Variants in BAZ2B observed in about 807,000 individuals in gnomAD.
The protein encoded by BAZ2B is bromodomain adjacent to zinc finger domain protein 2B.
A neutral mutation model predicts 246.0 loss-of-function variants in BAZ2B; 91 were observed. That is an observed-to-expected ratio of 0.37 (90% CI 0.31 to 0.44). The LOEUF is 0.44. Ranked by LOEUF, BAZ2B falls within the 20% of genes least tolerant of loss-of-function variation. The probability of loss-of-function intolerance (pLI) is 1.00; values close to 1 mark genes in which losing one functional copy is unlikely to be tolerated. For synonymous variants in BAZ2B, 855 were observed against 860.0 expected (o/e 0.99, Z 0.10); for missense variants, 2,332 against 2,533.7 (o/e 0.92, Z 1.71).
At chr2:159,408,122 A>G (rs1486029479) in intron 14 of BAZ2B, among the ~76,000 whole-genome samples, 3 of 152,184 alleles carry the variant, frequency 2.0e-5, no homozygotes, top group African/African-American at 7.2e-5. Context: ...TATATATAGA[A>G]CCATGTTTGT....
At chr2:159,397,063 C>T (rs761826657) in intron 19 of BAZ2B, 2 of 1,392,424 alleles carry the variant, frequency 1.4e-6, no homozygotes, top group South Asian at 1.2e-5. Flanking sequence ...CAAAAATAAA[C>T]ATACCCATAC....
the BAZ2B span, among the ~76,000 whole-genome samples, chr2:159,627,415 C>T: frequency 6.6e-6 from 1 of 151,664 alleles, no homozygotes; most frequent in Non-Finnish European, 1.5e-5. Flanking sequence ...TGTGAAAATT[C>T]TCAATAAAAA....
the BAZ2B span, among the ~76,000 whole-genome samples, chr2:159,632,102 A>G: frequency 1.3e-5 from 2 of 152,230 alleles, no homozygotes; most frequent in African/African-American, 4.8e-5. Flanking sequence ...ATTAAGACAA[A>G]ATTAACAAAA....
chr2:159,643,637 G>A, the BAZ2B span, among the ~76,000 whole-genome samples: 1 of 152,122 alleles, frequency 6.6e-6, no homozygotes, highest in Non-Finnish European at 1.5e-5. Context: ...CACTTTGGGA[G>A]TCCGAGGTAG....
chr2:159,543,755 T>C (rs1342848145), intron 2 of BAZ2B, among the ~76,000 whole-genome samples: 1 of 152,206 alleles, frequency 6.6e-6, no homozygotes, highest in African/African-American at 2.4e-5. Context: ...AGGCTGGTCT[T>C]GATCCCTTGA....
intron 2 of BAZ2B, among the ~76,000 whole-genome samples, chr2:159,485,744 C>T (rs2079749244): frequency 6.6e-6 from 1 of 152,106 alleles, no homozygotes. Flanking sequence ...ATTAATACTG[C>T]ATTGAAATAT....
At chr2:159,576,172 A>T (rs1685231654) in intron 1 of BAZ2B, among the ~76,000 whole-genome samples, 2 of 152,184 alleles carry the variant, frequency 1.3e-5, no homozygotes, top group Non-Finnish European at 2.9e-5. Context: ...ACTATACACT[A>T]GCTTTGTAAT....
At chr2:159,686,911 G>A in the BAZ2B span, among the ~76,000 whole-genome samples, 9 of 151,646 alleles carry the variant, frequency 5.9e-5, no homozygotes, top group South Asian at 4.2e-4. Flanking sequence ...GCATGGTGGC[G>A]GGTGCCTGTA....
Position 159,453,606 on chromosome 2 carries a change from T to C in BAZ2B, c.334+7A>G, listed in dbSNP as rs377666345. ...TCCCTTGAACACTGTTTGTAACAGATGTTTACCTGGAAAAGATGCTAGTTG... is the reference window on the plus strand; with the variant it reads ...TCCCTTGAACACTGTTTGTAACAGACGTTTACCTGGAAAAGATGCTAGTTG... On this transcript the variant is annotated splice_region_variant and intron_variant, in intron 4 of 36. Transcript: ENST00000392783. 1 of 1,595,364 alleles carries C rather than the reference T, an allele frequency of 6.3e-7. No individual in the cohort carries two copies. Among genetic ancestry groups the C allele is most frequent in the Non-Finnish European group, 8.5e-7 (1 of 1,170,502 alleles).
chr2:159,451,432 C>T lies in BAZ2B; in HGVS notation c.334+2181G>A, dbSNP rs73967874. ...ATTTAAAAGTCTGGCAATTTGGTTA[C>T]CCTTCTGAATAAAGCCAATTATAGA... On this transcript the variant is annotated intron_variant, in intron 4 of 36. Transcript: ENST00000392783. Among the ~76,000 whole-genome samples, 1,371 of 152,174 alleles carry T rather than the reference C, an allele frequency of 9.0e-3. 17 individuals are homozygous for T. The highest frequency in any genetic ancestry group is 0.03 in the African/African-American group (1,253 of 41,520).
chr2:159,565,835 T>C (rs1474526565), intron 1 of BAZ2B, among the ~76,000 whole-genome samples: 2 of 150,796 alleles, frequency 1.3e-5, no homozygotes, highest in African/African-American at 4.9e-5. Flanking sequence ...GTATCTGTCC[T>C]TGCTGCTGGA....
intron 1 of BAZ2B, among the ~76,000 whole-genome samples, chr2:159,569,495 GA>G (rs1364099596): frequency 1.4e-4 from 22 of 152,012 alleles, no homozygotes; most frequent in African/African-American, 4.6e-4. Flanking sequence ...ATATTAAGCA[GA>G]AAAAGTATAA....
intron 2 of BAZ2B, among the ~76,000 whole-genome samples, chr2:159,532,681 C>A (rs1297412690): frequency 1.3e-5 from 2 of 152,184 alleles, no homozygotes; most frequent in African/African-American, 4.8e-5. Flanking sequence ...CACTAACTCA[C>A]CTGTAGTTAA....
chr2:159,380,206 C>T (rs2061839010), intron 25 of BAZ2B, among the ~76,000 whole-genome samples: 1 of 152,238 alleles, frequency 6.6e-6, no homozygotes, highest in Non-Finnish European at 1.5e-5. Flanking sequence ...AAAATCATCT[C>T]GTCTTTAACA....
chr2:159,464,069 C>T (rs1173018978), intron 3 of BAZ2B: 2 of 152,138 alleles, frequency 1.3e-5, no homozygotes, highest in African/African-American at 4.8e-5. Context: ...AAATAGTACA[C>T]AGAGTTCCTA....
chr2:159,570,976 C>T (rs1009531071), intron 1 of BAZ2B, among the ~76,000 whole-genome samples: 2 of 152,128 alleles, frequency 1.3e-5, no homozygotes, highest in Non-Finnish European at 2.9e-5. Context: ...GCCTCAGACT[C>T]CCAAGTAGCT....
intron 2 of BAZ2B, among the ~76,000 whole-genome samples, chr2:159,479,096 A>T (rs903237503): frequency 5.3e-5 from 8 of 151,424 alleles, no homozygotes; most frequent in Admixed American, 1.3e-4. Flanking sequence ...ATGAATAATT[A>T]AAAAAAAACA....
Position 159,348,757 on chromosome 2 carries a change from T to C in BAZ2B, c.5214A>G (p.Gly1738=), listed in dbSNP as rs1343114809. 1 of 1,613,540 alleles carries C rather than the reference T, an allele frequency of 6.2e-7. No homozygotes were observed. The highest frequency in any genetic ancestry group is 1.3e-5 in the African/African-American group (1 of 75,044). The change falls in exon 30 of 37, where the codon GGA becomes GGG. Residue 1738 remains glycine (G), a synonymous_variant. Coordinates refer to ENST00000392783, the MANE Select transcript of BAZ2B (RefSeq NM_013450.4). ...GTTTTTGTAATGCCTTTTCTCTTAT[T>C]CCTCTGAGATGCAGCACTTTGAGCA... ...KALLKVLHLR[G]IREKALQKQI...
rs144603273 is a variant in BAZ2B at position 159,363,283 on chromosome 2, C to T, written c.4213+9762G>A. Among the ~76,000 whole-genome samples the T allele has an allele frequency of 4.8e-4, 73 of 152,240 alleles. No individual in the cohort carries two copies. In the East Asian group the frequency reaches 0.014, roughly 29 times the overall value. ...TCCTGCCACTTGAATGTGAAATGGA[C>T]TAGATCCACAGATAGTGTAGTTACT... On this transcript the variant is annotated intron_variant, in intron 27 of 36. Transcript: ENST00000392783.
Sources: gnomAD v4.1 joint callset for allele counts (sites outside exome capture counted in the v4.1 genomes callset) on GRCh38, gnomAD v4.1.1 for gene constraint, MANE v1.5 for transcripts, NCBI Gene and HGNC (gene_info 2026-07-23, HGNC 2026-07-21) for gene names.